The following ARAP2 variants were observed in gnomAD, a reference collection of about 807,000 sequenced individuals.
ARAP2 encodes the protein ArfGAP with RhoGAP domain, ankyrin repeat and PH domain 2.
A neutral mutation model predicts 194.5 loss-of-function variants in ARAP2; 148 were observed. The observed-to-expected ratio is 0.76, with a 90% CI of 0.67 to 0.87. The LOEUF is 0.87. Ranked by LOEUF, ARAP2 falls within the 40% of genes least tolerant of loss-of-function variation. The probability of loss-of-function intolerance (pLI) is 0.00; values close to 1 mark genes in which losing one functional copy is unlikely to be tolerated. For missense variants in ARAP2, 2,128 were observed against 1,989.7 expected (o/e 1.07, Z -1.32); for synonymous variants, 695 against 683.5 (o/e 1.02, Z -0.26).
At chr4:36,133,195 A>G in intron 20 of ARAP2, 31 bp downstream of exon 20, 1 of 1,605,640 alleles carries the variant, frequency 6.2e-7, no homozygotes, top group Non-Finnish European at 8.5e-7. Context: ...AATCAGTTCT[A>G]AGGGTTGAAT....
At chr4:36,242,025 G>A (rs1753614026) in intron 1 of ARAP2, among the ~76,000 whole-genome samples, 1 of 152,168 alleles carries the variant, frequency 6.6e-6, no homozygotes, top group South Asian at 2.1e-4. Context: ...ATTAAGTACT[G>A]CTTCATTTAA....
chr4:36,120,634 G>C (rs982141455), intron 23 of ARAP2, among the ~76,000 whole-genome samples: 1 of 151,606 alleles, frequency 6.6e-6, no homozygotes. Flanking sequence ...TTTGAACCAA[G>C]AAATCATCCC....
intron 9 of ARAP2, among the ~76,000 whole-genome samples, chr4:36,009,988 A>AT (rs1207548370): frequency 6.6e-6 from 1 of 151,508 alleles, no homozygotes; most frequent in East Asian, 1.9e-4. Context: ...CCTTCTGTTA[A>AT]TTTTTTTGTT....
At chr4:36,043,173 T>G (rs1216704664) in intron 5 of ARAP2, among the ~76,000 whole-genome samples, 1 of 152,206 alleles carries the variant, frequency 6.6e-6, no homozygotes, top group Non-Finnish European at 1.5e-5. Flanking sequence ...TACTACCATG[T>G]GCAGACACCT....
In ARAP2 at chr4:36,073,714, G is replaced by T; in HGVS notation, c.4718C>A (p.Ala1573Glu). Residue 1573 changes from alanine to glutamate, a missense_variant, in exon 32 of 33, where the codon GCA becomes GAA. Coordinates refer to ENST00000303965, the MANE Select transcript of ARAP2 (RefSeq NM_015230.4). The stretch of plus-strand genomic sequence containing the variant: ...CTCAATATTTTTCCGGGCCAAGGTT[G>T]CATTCCCCTCATGCTGTATAGGAAT... ...PLIPIQHEGN[A>E]TLARKNIESA... The T allele has an allele frequency of 6.2e-7, 1 of 1,612,268 alleles. No homozygotes were observed. Among genetic ancestry groups the T allele is most frequent in the Non-Finnish European group, 8.5e-7 (1 of 1,178,834 alleles).
intron 2 of ARAP2, among the ~76,000 whole-genome samples, chr4:36,224,586 C>T (rs894317277): frequency 3.3e-5 from 5 of 152,018 alleles, no homozygotes; most frequent in Non-Finnish European, 7.4e-5. Flanking sequence ...CAATTTTATA[C>T]GTTTTTCAAA....
At chr4:36,211,283 T>C (rs183540434) in intron 5 of ARAP2, among the ~76,000 whole-genome samples, 13 of 152,294 alleles carry the variant, frequency 8.5e-5, no homozygotes, top group Admixed American at 3.3e-4. Context: ...AGGAAAAATA[T>C]TGCAGCACAC....
At chr4:36,164,133 G>A (rs113378803) in intron 11 of ARAP2, among the ~76,000 whole-genome samples, 1 of 152,060 alleles carries the variant, frequency 6.6e-6, no homozygotes, top group Non-Finnish European at 1.5e-5. Flanking sequence ...TTAATTCCCC[G>A]CACCAGCACA....
chr4:36,195,337 C>G (rs1358261418), intron 6 of ARAP2, among the ~76,000 whole-genome samples: 1 of 152,192 alleles, frequency 6.6e-6, no homozygotes, highest in African/African-American at 2.4e-5. Flanking sequence ...TTTACTTTTT[C>G]TAGCAACACA....
At chr4:36,008,284 T>G (rs1437167157) in intron 9 of ARAP2, among the ~76,000 whole-genome samples, 4 of 152,090 alleles carry the variant, frequency 2.6e-5, no homozygotes, top group Non-Finnish European at 5.9e-5. Flanking sequence ...TTACCTGACT[T>G]CAGCCTATAC....
At chr4:36,059,702 C>T (rs1724096148) in intron 1 of ARAP2, among the ~76,000 whole-genome samples, 2 of 152,074 alleles carry the variant, frequency 1.3e-5, no homozygotes, top group Admixed American at 1.3e-4. Context: ...AGAAGACTGA[C>T]TTGTGAGGAA....
Position 36,067,850 on chromosome 4 carries a change from C to T in ARAP2, c.*57G>A. 1 of 1,502,354 alleles carries T rather than the reference C, an allele frequency of 6.7e-7. No homozygotes were observed. Among genetic ancestry groups the T allele is most frequent in the African/African-American group, 1.4e-5 (1 of 71,522 alleles). The allele number at this position is 1,502,354 out of a possible 1,614,324, so 93.1% of individuals were successfully genotyped here. ...CTTATAGTTCAGTTTTGGAGTTACA[C>T]ATAAAGATTGCATACAATATTAAAA... On this transcript the variant is annotated 3_prime_UTR_variant, in exon 33 of 33. Transcript: ENST00000303965.
At chr4:36,192,735 T>A (rs938624151) in intron 7 of ARAP2, among the ~76,000 whole-genome samples, 1 of 152,206 alleles carries the variant, frequency 6.6e-6, no homozygotes, top group Non-Finnish European at 1.5e-5. Flanking sequence ...TGGTAGCTCA[T>A]GTCTGTAATT....
chr4:36,210,037 T>C (rs1049020523), intron 6 of ARAP2, among the ~76,000 whole-genome samples: 3 of 152,224 alleles, frequency 2.0e-5, no homozygotes, highest in African/African-American at 7.2e-5. Context: ...CAGTGTGGGC[T>C]GAGTAATACT....
At chr4:36,147,181 A>G in intron 19 of ARAP2, 115 bp downstream of exon 19, 1 of 864,842 alleles carries the variant, frequency 1.2e-6, no homozygotes, top group Non-Finnish European at 1.8e-6. Flanking sequence ...TATATGATTC[A>G]GAAAATTTCA....
chr4:36,138,135 A>G (rs1410028652), intron 19 of ARAP2, among the ~76,000 whole-genome samples: 1 of 151,738 alleles, frequency 6.6e-6, no homozygotes, highest in African/African-American at 2.4e-5. Flanking sequence ...CCTCTCAAAG[A>G]AGACCCTACT....
chr4:36,030,863 G>A (rs1171918675), intron 5 of ARAP2, among the ~76,000 whole-genome samples: 4 of 141,712 alleles, frequency 2.8e-5, no homozygotes, highest in African/African-American at 8.0e-5. Context: ...TGGGTGTGTT[G>A]GTTCACTCCT....
chr4:36,127,439 T>G (rs1465061017), intron 21 of ARAP2, among the ~76,000 whole-genome samples: 2 of 152,022 alleles, frequency 1.3e-5, no homozygotes, highest in Non-Finnish European at 2.9e-5. Flanking sequence ...TAATACTACT[T>G]TTGCTGACAC....
chr4:36,204,041 A>C lies in ARAP2; in HGVS notation c.1487+6349T>G, dbSNP rs564803391. Among the ~76,000 whole-genome samples, 13 of 152,360 alleles carry C rather than the reference A, an allele frequency of 8.5e-5. No individual in the cohort carries two copies. In the South Asian group the frequency reaches 1.4e-3, roughly 17 times the overall value. On this transcript the variant is annotated intron_variant, in intron 6 of 32. Coordinates refer to ENST00000303965, the MANE Select transcript of ARAP2 (RefSeq NM_015230.4). ...AATTACAGTATAACAACAACAACAA[A>C]AAAAACTGGGTTAGGAAACACAACT...
Sources: allele counts gnomAD v4.1 joint callset (sites outside exome capture counted in the v4.1 genomes callset), GRCh38; gene constraint gnomAD v4.1.1; transcripts MANE v1.5; gene names NCBI Gene and HGNC (gene_info 2026-07-23, HGNC 2026-07-21).